CDK10: variants seen among roughly 807,000 people sequenced by gnomAD.
CDK10 encodes the protein cyclin dependent kinase 10.
A neutral mutation model predicts 51.0 loss-of-function variants in CDK10; 55 were observed. That is an observed-to-expected ratio of 1.08 (90% confidence interval 0.87 to 1.35). CDK10 has a LOEUF of 1.35. Ranked by LOEUF, CDK10 falls within the 40% of genes most tolerant of loss-of-function variation. The pLI, the probability that CDK10 is intolerant of heterozygous loss-of-function variation, is 0.00. For synonymous variants in CDK10, 255 were observed against 199.1 expected, an observed-to-expected ratio of 1.28 and a Z score of -2.36; for missense variants, 589 against 485.1, an observed-to-expected ratio of 1.21 and a Z score of -2.01.
At chr16:89,692,346 G>C in intron 5 of CDK10, 103 bp from the exon 6 acceptor site, 1 of 842,284 alleles carries the variant, frequency 1.2e-6, no homozygotes, top group Non-Finnish European at 1.8e-6. Context: ...GGTTTCCTGG[G>C]CTATTGGGAC....
intron 11 of CDK10, 87 bp from the exon 12 acceptor site, chr16:89,695,206 G>T: frequency 6.5e-7 from 1 of 1,546,462 alleles, no homozygotes; most frequent in South Asian, 1.2e-5. Context: ...GGCTTCCTTT[G>T]AGCATTTGAA....
intron 2 of CDK10, chr16:89,689,621 G>A (rs2060353602): frequency 2.7e-6 from 1 of 366,326 alleles, no homozygotes; most frequent in African/African-American, 2.1e-5. Context: ...AGCAGGAGCT[G>A]GACATGGTGC....
At position 89,693,440 on chromosome 16, in the gene CDK10, C is replaced by T; in HGVS notation, c.581C>T (p.Pro194Leu). The T allele has an allele frequency of 6.2e-7, 1 of 1,614,170 alleles. No homozygotes were observed. Among genetic ancestry groups the T allele is most frequent in the Non-Finnish European group, 8.5e-7 (1 of 1,180,030 alleles). The change falls in exon 8 of 13, where the codon CCA becomes CTA. Residue 194 changes from proline to leucine, a missense_variant. Physicochemically the swap from Pro to Leu is moderately conservative, Grantham distance 98 (BLOSUM62 -3). Coordinates refer to ENST00000353379, the MANE Select transcript of CDK10 (RefSeq NM_052988.5). ...LARAYGVPVK[P>L]MTPKVVTLWY... ...CGGGCCTATGGTGTCCCAGTAAAGCCAATGACCCCCAAGGTGGTCACTCTC... is the reference window on the plus strand; with the variant it reads ...CGGGCCTATGGTGTCCCAGTAAAGCTAATGACCCCCAAGGTGGTCACTCTC...
At chr16:89,690,689 G>T in intron 3 of CDK10, 65 bp downstream of exon 3, 1 of 1,400,538 alleles carries the variant, frequency 7.1e-7, no homozygotes, top group Non-Finnish European at 1.0e-6. Flanking sequence ...TGAGTTACCT[G>T]AAGTTTCCTC....
intron 12 of CDK10, 101 bp from the exon 13 acceptor site, chr16:89,695,494 A>G: frequency 2.0e-6 from 3 of 1,482,758 alleles, no homozygotes; most frequent in Non-Finnish European, 1.8e-6. Flanking sequence ...AGGCACAGAC[A>G]GCCCAGGGCC....
At position 89,695,435 on chromosome 16, in the gene CDK10, C is replaced by T. The variant is rs2060676436; in HGVS notation, c.985+90C>T. The T allele has an allele frequency of 7.3e-6, 11 of 1,498,798 alleles. No homozygotes were observed. The South Asian group carries it at 1.2e-4, about 16-fold the overall frequency. 92.8% of individuals were successfully genotyped at this position (1,498,798 alleles called of 1,614,324 possible). A position where few individuals can be genotyped will look rare whatever the true frequency, so the allele number is the denominator to read the frequency against. On this transcript the variant is annotated intron_variant, in intron 12 of 12. Coordinates refer to ENST00000353379, the MANE Select transcript of CDK10 (RefSeq NM_052988.5). Reference sequence around the variant, plus strand: ...GGGTGGTGGAGAAGTGGCCTGCTGCCCTCACTGACGGCACACCCTTTCTGG... The same window carrying T: ...GGGTGGTGGAGAAGTGGCCTGCTGCTCTCACTGACGGCACACCCTTTCTGG...
chr16:89,689,161 G>C (rs747000235), intron 1 of CDK10, 91 bp from the exon 2 acceptor site: 261 of 1,211,962 alleles, frequency 2.2e-4, no homozygotes, highest in Non-Finnish European at 3.0e-4. Flanking sequence ...CAAGACGTGA[G>C]TGGGCTCCCT....
rs767050911 is a variant in CDK10 at position 89,694,227 on chromosome 16, CAT to C, written c.664_665del (p.Met222ValfsTer38). On this transcript the variant is annotated frameshift_variant, in exon 9 of 13. Coordinates refer to ENST00000353379, the MANE Select transcript of CDK10 (RefSeq NM_052988.5). LOFTEE classifies it high-confidence loss of function. ...CCACCACGCAGACCACCAGCATCGA[CAT>C]GTGGTGAGGAGATACGGTTACCGCT... is the stretch of plus-strand genomic sequence containing the variant. ...GTTTQTTSID[M>X]WAVGCILAEL... 8.1e-6 allele frequency: 13 copies of C among 1,613,742 alleles called. No homozygotes were observed. The Admixed American group carries it at 1.0e-4, about 12-fold the overall frequency.
chr16:89,695,693 CGGTG>C lies in CDK10; in HGVS notation c.*4_*7del, dbSNP rs1567528407. 5.0e-6 allele frequency: 8 copies of C among 1,594,578 alleles called. No individual in the cohort carries two copies. Among genetic ancestry groups the C allele is most frequent in the African/African-American group, 1.3e-5 (1 of 74,736 alleles). On this transcript the variant is annotated 3_prime_UTR_variant, in exon 13 of 13. Transcript: ENST00000353379. ...CCAGAGCAAGCGCTGTAAACCCTGA[CGGTG>C]GGCCTGGCACACGCCTGTATTCCCA... is the stretch of plus-strand genomic sequence containing the variant.
chr16:89,687,624 C>T (rs572991907), intron 1 of CDK10: 11 of 445,154 alleles, frequency 2.5e-5, no homozygotes, highest in East Asian at 1.4e-4. Flanking sequence ...AATGCAGTGG[C>T]GTGATCACGG....
chr16:89,687,838 G>T, intron 1 of CDK10: 1 of 347,110 alleles, frequency 2.9e-6, no homozygotes, highest in South Asian at 2.2e-5. Flanking sequence ...ATTAAGGCGG[G>T]AAAGGGAGTT....
intron 12 of CDK10, 57 bp downstream of exon 12, chr16:89,695,402 C>T: frequency 6.3e-7 from 1 of 1,574,974 alleles, no homozygotes; most frequent in Non-Finnish European, 8.7e-7. Flanking sequence ...GCCCGTTTTG[C>T]CCGGGGTGGG....
Position 89,692,346 on chromosome 16 carries a change from GC to G in CDK10, c.418-102del, listed in dbSNP as rs1005144716. ...CCTTCTGAGGGCACTGGTTTCCTGGGCTATTGGGACTGCTAGTCCTGCTGGC... is the reference window on the plus strand; with the variant it reads ...CCTTCTGAGGGCACTGGTTTCCTGGGTATTGGGACTGCTAGTCCTGCTGGC... On this transcript the variant is annotated intron_variant, in intron 5 of 12. Coordinates refer to ENST00000353379, the MANE Select transcript of CDK10 (RefSeq NM_052988.5). 2.3e-4 allele frequency: 190 copies of G among 842,284 alleles called. No individual in the cohort carries two copies. In the African/African-American group the frequency reaches 3.0e-3, roughly 13 times the overall value. The allele number at this position is 842,284 out of a possible 1,614,324, so 52.2% of individuals were successfully genotyped here.
At chr16:89,693,902 A>G in intron 8 of CDK10, 2 of 585,732 alleles carry the variant, frequency 3.4e-6, no homozygotes, top group Non-Finnish European at 3.1e-6. Context: ...TGTACTCCCC[A>G]TCTGAGAACG....
chr16:89,692,421 T>C, intron 5 of CDK10, 28 bp from the exon 6 acceptor site: 1 of 1,514,294 alleles, frequency 6.6e-7, no homozygotes, highest in Non-Finnish European at 8.9e-7. Context: ...AGGCTCACCC[T>C]GACTGGTACC....
At position 89,689,208 on chromosome 16, in the gene CDK10, A is replaced by G. The variant is rs2151563621; in HGVS notation, c.88-44A>G. The G allele has an allele frequency of 3.2e-6, 5 of 1,581,376 alleles. No individual in the cohort carries two copies. The East Asian group carries it at 1.1e-4, about 35-fold the overall frequency. On this transcript the variant is annotated intron_variant, in intron 1 of 12. Coordinates refer to ENST00000353379, the MANE Select transcript of CDK10 (RefSeq NM_052988.5). ...CATTTGAAATTTCCTCAGTTGTTCC[A>G]TCAGCTGCCAAATTTCCACACTGGC... is the stretch of plus-strand genomic sequence containing the variant.
chr16:89,695,568 C>T, intron 12 of CDK10, 27 bp from the exon 13 acceptor site: 1 of 1,587,124 alleles, frequency 6.3e-7, no homozygotes, highest in South Asian at 1.1e-5. Flanking sequence ...CCCTGCCCCG[C>T]CCAGCACTGA....
rs774146243 is a variant in CDK10 at position 89,694,671 on chromosome 16, G to A, written c.675G>A (p.Val225=). ...GGTCCACTGTTCTCTGCAGGGCTGT[G>A]GGCTGCATACTGGCCGAGCTGCTGG... ...TQTTSIDMWA[V]GCILAELLAH... The change falls in exon 10 of 13, where the codon GTG becomes GTA. Residue 225 remains valine, a synonymous_variant. Coordinates refer to ENST00000353379, the MANE Select transcript of CDK10 (RefSeq NM_052988.5). 13 of 1,589,604 alleles carry A rather than the reference G, an allele frequency of 8.2e-6. No homozygotes were observed. Among genetic ancestry groups the A allele is most frequent in the South Asian group, 8.0e-5 (7 of 87,386 alleles).
In CDK10 at chr16:89,693,317, G is replaced by T; in HGVS notation, c.529G>T (p.Val177Leu). 2.5e-6 allele frequency: 4 copies of T among 1,614,162 alleles called. No individual in the cohort carries two copies. The highest frequency in any genetic ancestry group is 1.1e-5 in the South Asian group (1 of 91,082). ...SNLLMTDKGC[V>L]KTADFGLARA... Reference sequence around the variant, plus strand: ...CTTGCTCATGACCGACAAGGGTTGTGTGAAGACAGGTGGGTGCAACTTGGG... The same window carrying T: ...CTTGCTCATGACCGACAAGGGTTGTTTGAAGACAGGTGGGTGCAACTTGGG... Residue 177 changes from valine (V) to leucine (L), a missense_variant, in exon 7 of 13, where the codon GTG becomes TTG. Transcript: ENST00000353379.
Sources: allele counts gnomAD v4.1 joint callset, GRCh38; gene constraint gnomAD v4.1.1; transcripts MANE v1.5; gene names NCBI Gene and HGNC (gene_info 2026-07-23, HGNC 2026-07-21).